Variants in NBEA observed in about 807,000 individuals in gnomAD.
NBEA encodes the protein lysosomal-trafficking regulator 2.
A neutral mutation model predicts 343.4 loss-of-function variants in NBEA; 44 were observed. That is an observed-to-expected ratio of 0.13 (90% confidence interval 0.10 to 0.16). The LOEUF (loss-of-function observed/expected upper bound fraction) is 0.16. Among genes scored for constraint, NBEA ranks in the 10% least tolerant of loss-of-function variants. The pLI, the probability that NBEA is intolerant of heterozygous loss-of-function variation, is 1.00. For missense variants in NBEA, 2,555 were observed against 3,631.3 expected, an observed-to-expected ratio of 0.70 and a Z score of 7.62; for synonymous variants, 1,175 against 1,238.7, an observed-to-expected ratio of 0.95 and a Z score of 1.08.
chr13:35,432,204 G>T (rs2045162754), intron 38 of NBEA, 65 bp from the exon 39 acceptor site: 2 of 1,350,508 alleles, frequency 1.5e-6, no homozygotes, highest in Non-Finnish European at 9.9e-7. Flanking sequence ...CAATTTTATA[G>T]AAAAATGTAT....
chr13:35,325,938 T>C (rs1301736837), intron 36 of NBEA, among the ~76,000 whole-genome samples: 2 of 152,116 alleles, frequency 1.3e-5, no homozygotes, highest in Non-Finnish European at 2.9e-5. Flanking sequence ...CTTATTGTTG[T>C]CAACTTTGTT....
rs750724059 is a variant in NBEA, at chr13:35,649,842, C to T, written c.7958C>T (p.Thr2653Ile). ...RLFAVNRWHN[T>I]VGLRGAPGYS... The stretch of plus-strand genomic sequence containing the variant: ...TTTGCAGTGAATAGATGGCACAACA[C>T]AGTAGGTATGTGTGCCTGAGCAAAT... The change falls in exon 52 of 59, where the codon ACA (threonine) becomes ATA (isoleucine). Residue 2653 changes from threonine to isoleucine, a missense_variant. Around this residue, in one of 21 missense-constraint regions of NBEA, gnomAD observed 61 missense variants for 132.1 expected, o/e 0.46. Transcript: ENST00000379939. The T allele has an allele frequency of 1.2e-6, 2 of 1,613,654 alleles. No individual in the cohort carries two copies. Among genetic ancestry groups the T allele is most frequent in the Non-Finnish European group, 1.7e-6 (2 of 1,179,722 alleles).
intron 1 of NBEA, among the ~76,000 whole-genome samples, chr13:34,943,675 G>C (rs1470312798): frequency 1.3e-5 from 2 of 152,182 alleles, no homozygotes; most frequent in African/African-American, 2.4e-5. Flanking sequence ...GGAGAGTGTT[G>C]TGTCTGTATC....
At chr13:35,156,576 T>C (rs1310059385) in intron 20 of NBEA, among the ~76,000 whole-genome samples, 1 of 152,134 alleles carries the variant, frequency 6.6e-6, no homozygotes. Flanking sequence ...TATGGCCGAA[T>C]GTTGTGCATT....
At chr13:35,228,098 T>C (rs1309299003) in intron 33 of NBEA, among the ~76,000 whole-genome samples, 1 of 152,112 alleles carries the variant, frequency 6.6e-6, no homozygotes, top group African/African-American at 2.4e-5. Flanking sequence ...GGATTAATTG[T>C]ATTTTTATTC....
chr13:35,170,275 C>A (rs940858323), intron 25 of NBEA, among the ~76,000 whole-genome samples: 3 of 151,588 alleles, frequency 2.0e-5, no homozygotes, highest in Non-Finnish European at 3.0e-5. Flanking sequence ...GGAATAGATA[C>A]CTATTACATA....
chr13:35,232,555 A>G lies in NBEA; in HGVS notation c.5712A>G (p.Val1904=), dbSNP rs375409419. The stretch of plus-strand genomic sequence containing the variant: ...CTCCTCTTCTTCGTGAAATTTTTGT[A>G]GACTTTGCCCCATTCCTATCTCGTA... The part of the protein sequence containing the change: ...KVAPLLREIF[V]DFAPFLSRTL... Residue 1904 remains valine (V), a synonymous_variant, in exon 34 of 59, where the codon GTA becomes GTG. Transcript: ENST00000379939. The G allele has an allele frequency of 5.3e-5, 82 of 1,555,552 alleles. No homozygotes were observed. Among genetic ancestry groups the G allele is most frequent in the Non-Finnish European group, 6.6e-5 (76 of 1,148,240 alleles).
chr13:35,125,348 G>T (rs2067064852), intron 17 of NBEA, among the ~76,000 whole-genome samples: 1 of 152,166 alleles, frequency 6.6e-6, no homozygotes, highest in African/African-American at 2.4e-5. Flanking sequence ...GGAAGTGTCA[G>T]TGAAAGTAGA....
At chr13:35,390,497 G>C (rs2042449776) in intron 38 of NBEA, among the ~76,000 whole-genome samples, 1 of 152,174 alleles carries the variant, frequency 6.6e-6, no homozygotes, top group African/African-American at 2.4e-5. Flanking sequence ...TAAACAATTA[G>C]AGAATCGATG....
intron 38 of NBEA, among the ~76,000 whole-genome samples, chr13:35,400,054 C>T (rs1475010131): frequency 1.3e-5 from 2 of 151,824 alleles, no homozygotes; most frequent in African/African-American, 4.8e-5. Flanking sequence ...TGACAAATAA[C>T]CATAACATAT....
At chr13:35,596,221 T>A (rs1315725866) in intron 47 of NBEA, among the ~76,000 whole-genome samples, 1 of 152,056 alleles carries the variant, frequency 6.6e-6, no homozygotes, top group Non-Finnish European at 1.5e-5. Context: ...GACTTTTGGG[T>A]AATAACTAGT....
chr13:35,308,438 CTATATATATATATA>C (rs5802761), intron 35 of NBEA, among the ~76,000 whole-genome samples: 19 of 88,994 alleles, frequency 2.1e-4, no homozygotes, highest in South Asian at 3.7e-4. Flanking sequence ...CTGCTATTTA[CTATATATATATATA>C]TATATATATA....
intron 45 of NBEA, among the ~76,000 whole-genome samples, chr13:35,577,589 G>A (rs1021352927): frequency 1.3e-4 from 19 of 151,944 alleles, no homozygotes; most frequent in Non-Finnish European, 4.4e-5. Context: ...TTTTCACTTT[G>A]TTATGTCTTT....
chr13:35,080,083 A>G (rs1326484317), intron 10 of NBEA, among the ~76,000 whole-genome samples: 3 of 152,166 alleles, frequency 2.0e-5, no homozygotes, highest in Non-Finnish European at 4.4e-5. Flanking sequence ...TTAGAACAAC[A>G]CAATTCTCCC....
chr13:34,984,214 A>G (rs1365341530), intron 1 of NBEA, among the ~76,000 whole-genome samples: 1 of 152,178 alleles, frequency 6.6e-6, no homozygotes, highest in African/African-American at 2.4e-5. Context: ...ATTTTAGTAT[A>G]AGGTGTAAGG....
In NBEA at chr13:35,300,883, T is replaced by C. The variant is rs1462159683; in HGVS notation, c.5839-8645T>C. Among the ~76,000 whole-genome samples the C allele has an allele frequency of 6.6e-5, 10 of 152,152 alleles. No homozygotes were observed. In the South Asian group the frequency reaches 2.1e-3, roughly 32 times the overall value. On this transcript the variant is annotated intron_variant, in intron 35 of 58. Transcript: ENST00000379939. Reference sequence around the variant, plus strand: ...TTTCTTTATACTTATGCATTTTTGTTTGCCACCCAATACTGTGTACTGTTG... The same window carrying C: ...TTTCTTTATACTTATGCATTTTTGTCTGCCACCCAATACTGTGTACTGTTG...
In NBEA at chr13:35,184,082, C is replaced by G. The variant is rs746172141; in HGVS notation, c.4927+11C>G. On this transcript the variant is annotated intron_variant, in intron 30 of 58. Coordinates refer to ENST00000379939, the MANE Select transcript of NBEA (RefSeq NM_001385012.1). Reference sequence around the variant, plus strand: ...ACTCATTTTACAAAGGTAATACTGACCTCATCTCCTGACCTGTTTGGGTAT... The same window carrying G: ...ACTCATTTTACAAAGGTAATACTGAGCTCATCTCCTGACCTGTTTGGGTAT... 1 of 1,571,268 alleles carries G rather than the reference C, an allele frequency of 6.4e-7. No individual in the cohort carries two copies. The highest frequency in any genetic ancestry group is 1.1e-5 in the South Asian group (1 of 89,386).
Position 35,211,110 on chromosome 13 carries a change from C to G in NBEA, c.5579C>G (p.Ala1860Gly). ...TCCTCTTCTAGTTTTGTGAATGGTG[C>G]TACTAGCAAAAACCTTCCAGCTGTA... is the stretch of plus-strand genomic sequence containing the variant. ...SSSSSSFVNG[A>G]TSKNLPAVQT... Residue 1860 changes from alanine (A) to glycine (G), a missense_variant, in exon 33 of 59, where the codon GCT becomes GGT. Coordinates refer to ENST00000379939, the MANE Select transcript of NBEA (RefSeq NM_001385012.1). The G allele has an allele frequency of 6.4e-7, 1 of 1,552,004 alleles. No individual in the cohort carries two copies. Among genetic ancestry groups the G allele is most frequent in the Non-Finnish European group, 8.7e-7 (1 of 1,146,930 alleles).
At chr13:35,314,056 A>G (rs1454517399) in intron 36 of NBEA, among the ~76,000 whole-genome samples, 2 of 152,166 alleles carry the variant, frequency 1.3e-5, no homozygotes, top group East Asian at 3.9e-4. Flanking sequence ...GCATTGAGAT[A>G]GAAGGATTGG....
Sources: gnomAD v4.1 joint callset for allele counts (sites outside exome capture counted in the v4.1 genomes callset) on GRCh38, gnomAD v4.1.1 for gene constraint, gnomAD v4.1.1 regional missense constraint, MANE v1.5 for transcripts, NCBI Gene and HGNC (gene_info 2026-07-23, HGNC 2026-07-21) for gene names.